Variants in JAK2 observed in about 807,000 individuals in gnomAD.
The protein encoded by JAK2 is Janus kinase 2.
JAK2 carries 86 observed loss-of-function variants against 139.3 expected under a neutral mutation model. The observed-to-expected ratio is 0.62, with a 90% CI of 0.52 to 0.74. JAK2 has a LOEUF of 0.74. Ranked by LOEUF, JAK2 falls within the 30% of genes least tolerant of loss-of-function variation. The pLI, the probability that JAK2 is intolerant of heterozygous loss-of-function variation, is 0.00. For missense variants in JAK2, 1,421 were observed against 1,360.3 expected, an observed-to-expected ratio of 1.04 and a Z score of -0.70; for synonymous variants, 490 against 437.7, an observed-to-expected ratio of 1.12 and a Z score of -1.49.
chr9:5,079,904 T>C (rs1372383061), intron 16 of JAK2, among the ~76,000 whole-genome samples: 1 of 152,168 alleles, frequency 6.6e-6, no homozygotes, highest in Non-Finnish European at 1.5e-5. Flanking sequence ...TATGGTTTAA[T>C]GGAAAGATTA....
At chr9:5,115,519 C>G (rs1257413065) in intron 22 of JAK2, among the ~76,000 whole-genome samples, 1 of 152,130 alleles carries the variant, frequency 6.6e-6, no homozygotes, top group Non-Finnish European at 1.5e-5. Flanking sequence ...CTCCAGGATC[C>G]AGAGTTAGAA....
At position 5,126,742 on chromosome 9, in the gene JAK2, G is replaced by T; in HGVS notation, c.3350G>T (p.Arg1117Met). ...AATGTAAATCAACGCCCCTCCTTTA[G>T]GGATCTAGCTCTTCGAGTGGATCAA... ...NNNVNQRPSFRDLALRVDQIR... is the reference protein window; with the variant it reads ...NNNVNQRPSFMDLALRVDQIR... The change falls in exon 25 of 25, where the codon AGG becomes ATG. Residue 1117 changes from arginine to methionine, a missense_variant. Arg to Met is a moderately conservative substitution (Grantham distance 91). Coordinates refer to ENST00000381652, the MANE Select transcript of JAK2 (RefSeq NM_004972.4). 1 of 1,611,054 alleles carries T rather than the reference G, an allele frequency of 6.2e-7. No individual in the cohort carries two copies. Among genetic ancestry groups the T allele is most frequent in the South Asian group, 1.1e-5 (1 of 90,956 alleles).
rs1187078532 is a variant in JAK2, at chr9:5,126,846, T to C, written c.*55T>C. 9.6e-7 allele frequency: 1 copy of C among 1,041,670 alleles called. No homozygotes were observed. The highest frequency in any genetic ancestry group is 1.9e-5 in the Admixed American group (1 of 51,850). 64.5% of individuals were successfully genotyped at this position (1,041,670 alleles called of 1,614,324 possible). On this transcript the variant is annotated 3_prime_UTR_variant, in exon 25 of 25. Coordinates refer to ENST00000381652, the MANE Select transcript of JAK2 (RefSeq NM_004972.4). ...TAGATTTACAGAACAAAGTTTTATA[T>C]TTCACATTGCTGTGGACTATTATTA... is the stretch of plus-strand genomic sequence containing the variant.
intron 22 of JAK2, among the ~76,000 whole-genome samples, chr9:5,107,750 T>C (rs773395496): frequency 7.2e-5 from 11 of 152,154 alleles, no homozygotes; most frequent in Non-Finnish European, 1.5e-4. Context: ...CATAATACTG[T>C]CAATATTTAT....
intron 3 of JAK2, among the ~76,000 whole-genome samples, chr9:5,028,357 C>G (rs550643997): frequency 6.6e-6 from 1 of 152,288 alleles, no homozygotes; most frequent in South Asian, 2.1e-4. Context: ...GTAAACCACG[C>G]TATATACAGA....
intron 4 of JAK2, chr9:5,041,802 C>T (rs893501191): frequency 1.2e-5 from 6 of 485,648 alleles, no homozygotes; most frequent in African/African-American, 9.8e-5. Flanking sequence ...CAAAGATCAG[C>T]CGCACAGCAA....
intron 22 of JAK2, among the ~76,000 whole-genome samples, chr9:5,095,188 C>T (rs1173438730): frequency 6.6e-6 from 1 of 152,058 alleles, no homozygotes; most frequent in Non-Finnish European, 1.5e-5. Flanking sequence ...CTATTGGGCC[C>T]ATTCTCCTGA....
At chr9:5,018,424 C>T (rs759682246) in intron 2 of JAK2, among the ~76,000 whole-genome samples, 13 of 152,166 alleles carry the variant, frequency 8.5e-5, no homozygotes, top group Non-Finnish European at 1.6e-4. Flanking sequence ...CAGCCTCGAC[C>T]TCCATGGTCT....
At chr9:5,073,450 T>G (rs574460823) in intron 13 of JAK2, among the ~76,000 whole-genome samples, 1 of 152,294 alleles carries the variant, frequency 6.6e-6, no homozygotes, top group East Asian at 1.9e-4. Context: ...CTGGCATTAT[T>G]CATGATTCCT....
At chr9:5,118,091 A>G (rs1823342513) in intron 22 of JAK2, among the ~76,000 whole-genome samples, 1 of 152,198 alleles carries the variant, frequency 6.6e-6, no homozygotes, top group African/African-American at 2.4e-5. Context: ...CTGAATCTAA[A>G]TAGTGCTTGC....
At chr9:5,003,074 C>G (rs993476929) in intron 2 of JAK2, among the ~76,000 whole-genome samples, 1 of 151,950 alleles carries the variant, frequency 6.6e-6, no homozygotes, top group African/African-American at 2.4e-5. Flanking sequence ...GGACTCTATT[C>G]TGTTCCATTT....
chr9:5,094,118 T>A (rs1373231037), intron 22 of JAK2: 2 of 152,158 alleles, frequency 1.3e-5, no homozygotes, highest in Non-Finnish European at 2.9e-5. Context: ...AATTAACCTT[T>A]TCCTACTTAT....
At chr9:5,073,472 G>GCT (rs1381027744) in intron 13 of JAK2, among the ~76,000 whole-genome samples, 1 of 152,086 alleles carries the variant, frequency 6.6e-6, no homozygotes, top group Non-Finnish European at 1.5e-5. Context: ...TACCACTCTT[G>GCT]CTCTCTCTCA....
At chr9:5,114,932 A>AAAACAAAC (rs537669733) in intron 22 of JAK2, 1 of 178,062 alleles carries the variant, frequency 5.6e-6, no homozygotes, top group African/African-American at 2.4e-5. Context: ...GCCTGCTCAG[A>AAAACAAAC]AAACAAACAA....
chr9:5,034,041 G>A (rs1586672010), intron 4 of JAK2, among the ~76,000 whole-genome samples: 5 of 152,132 alleles, frequency 3.3e-5, no homozygotes, highest in Admixed American at 2.6e-4. Context: ...AAGGGATGGA[G>A]GAACATCTAC....
chr9:4,984,809 A>T (rs1234814015), upstream of JAK2: 4 of 152,032 alleles, frequency 2.6e-5, no homozygotes, highest in Admixed American at 6.6e-5. Context: ...GCGGCCACAC[A>T]CACACCCGCC....
intron 19 of JAK2, chr9:5,085,196 T>G (rs1457076350): frequency 1.5e-6 from 1 of 659,578 alleles, no homozygotes; most frequent in African/African-American, 1.8e-5. Context: ...CTCATGATCA[T>G]AGCATTCATT....
At chr9:5,078,282 T>C in intron 15 of JAK2, 24 bp from the exon 16 acceptor site, 1 of 1,600,996 alleles carries the variant, frequency 6.2e-7, no homozygotes, top group Non-Finnish European at 8.5e-7. Flanking sequence ...GATATTTGAA[T>C]ATATGTGCGT....
Position 5,022,125 on chromosome 9 carries a change from C to T in JAK2, c.138C>T (p.Ser46=), listed in dbSNP as rs1481240014. 5 of 1,613,868 alleles carry T rather than the reference C, an allele frequency of 3.1e-6. No individual in the cohort carries two copies. Among genetic ancestry groups the T allele is most frequent in the African/African-American group, 1.3e-5 (1 of 74,866 alleles). Reference sequence around the variant, plus strand: ...TTCTTCAGGTGTATCTTTACCATTCCCTTGGGAAATCTGAGGCAGATTATC... The same window carrying T: ...TTCTTCAGGTGTATCTTTACCATTCTCTTGGGAAATCTGAGGCAGATTATC... ...DPVLQVYLYH[S]LGKSEADYLT... is the part of the protein sequence containing the mutation. Residue 46 remains serine (S), a synonymous_variant, in exon 3 of 25, where the codon TCC becomes TCT. Coordinates refer to ENST00000381652, the MANE Select transcript of JAK2 (RefSeq NM_004972.4).
Sources: allele counts gnomAD v4.1 joint callset (sites outside exome capture counted in the v4.1 genomes callset), GRCh38; gene constraint gnomAD v4.1.1; transcripts MANE v1.5; gene names NCBI Gene and HGNC (gene_info 2026-07-23, HGNC 2026-07-21).